Variants in EIPR1 observed in about 807,000 individuals in gnomAD.
The protein encoded by EIPR1 is EARP complex and GARP complex interacting protein 1.
Under a neutral mutation model 48.1 loss-of-function variants are expected in EIPR1, and 25 were observed. That is an observed-to-expected ratio of 0.52 (90% confidence interval 0.38 to 0.73). The LOEUF is 0.73. Among genes scored for constraint, EIPR1 ranks in the 30% least tolerant of loss-of-function variants. The pLI, the probability that EIPR1 is intolerant of heterozygous loss-of-function variation, is 0.00. For synonymous variants in EIPR1, 204 were observed against 201.9 expected, an observed-to-expected ratio of 1.01 and a Z score of -0.09; for missense variants, 415 against 506.2, an observed-to-expected ratio of 0.82 and a Z score of 1.73.
intron 5 of EIPR1, chr2:3,208,749 G>A (rs1665326464): frequency 1.3e-6 from 2 of 1,548,242 alleles, no homozygotes; most frequent in South Asian, 2.4e-5. Flanking sequence ...GTCCTTCTGT[G>A]AGTGAGGCCC....
chr2:3,229,075 T>C (rs149177547), intron 4 of EIPR1, among the ~76,000 whole-genome samples: 5 of 152,212 alleles, frequency 3.3e-5, no homozygotes, highest in Admixed American at 3.3e-4. Context: ...AGCTGGAGAA[T>C]GAACAGAGCA....
At chr2:3,260,643 G>A (rs1452812535) in intron 3 of EIPR1, among the ~76,000 whole-genome samples, 4 of 152,116 alleles carry the variant, frequency 2.6e-5, no homozygotes, top group African/African-American at 9.7e-5. Context: ...CCTGTATCCA[G>A]AATAAATATA....
chr2:3,284,526 A>G lies in EIPR1; in HGVS notation c.260-27071T>C, dbSNP rs1558272583. Reference sequence around the variant, plus strand: ...GTCTTGAGCAGTGTGCAGACCACGGACAGTGGTGCAGAAAGGGAAACAGAA... The same window carrying G: ...GTCTTGAGCAGTGTGCAGACCACGGGCAGTGGTGCAGAAAGGGAAACAGAA... On this transcript the variant is annotated intron_variant, in intron 3 of 8. Coordinates refer to ENST00000382125, the MANE Select transcript of EIPR1 (RefSeq NM_003310.5). Among the ~76,000 whole-genome samples the G allele has an allele frequency of 2.0e-5, 3 of 152,416 alleles. No homozygotes were observed. The East Asian group carries it at 5.8e-4, about 29-fold the overall frequency.
At chr2:3,362,556 T>C (rs1359465170) in intron 1 of EIPR1, among the ~76,000 whole-genome samples, 1 of 151,946 alleles carries the variant, frequency 6.6e-6, no homozygotes, top group Non-Finnish European at 1.5e-5. Context: ...GCTTCATTTC[T>C]TTCCTGTCAG....
intron 3 of EIPR1, among the ~76,000 whole-genome samples, chr2:3,301,972 A>G (rs1226304339): frequency 6.6e-6 from 1 of 152,212 alleles, no homozygotes; most frequent in Non-Finnish European, 1.5e-5. Context: ...TGACAGGACC[A>G]CCATGAGGGC....
intron 3 of EIPR1, among the ~76,000 whole-genome samples, chr2:3,288,701 C>A (rs1668279459): frequency 6.6e-6 from 1 of 152,230 alleles, no homozygotes; most frequent in South Asian, 2.1e-4. Flanking sequence ...GCCCAACCTT[C>A]CATCAAGACC....
intron 1 of EIPR1, among the ~76,000 whole-genome samples, chr2:3,373,809 T>A: frequency 6.6e-6 from 1 of 151,530 alleles, no homozygotes; most frequent in Non-Finnish European, 1.5e-5. Context: ...CTGCCCAAGG[T>A]AATTTATAGA....
intron 3 of EIPR1, among the ~76,000 whole-genome samples, chr2:3,329,437 C>T (rs1669820118): frequency 6.8e-6 from 1 of 146,858 alleles, no homozygotes; most frequent in Non-Finnish European, 1.5e-5. Flanking sequence ...CCCTGGATCA[C>T]AGGTCTACCC....
intron 3 of EIPR1, among the ~76,000 whole-genome samples, chr2:3,332,373 C>T (rs186850517): frequency 8.5e-5 from 13 of 152,304 alleles, no homozygotes; most frequent in African/African-American, 2.9e-4. Context: ...GGAGAAACCC[C>T]AAGAGAAATA....
At chr2:3,325,159 C>T (rs1424492830) in intron 3 of EIPR1, among the ~76,000 whole-genome samples, 3 of 152,184 alleles carry the variant, frequency 2.0e-5, no homozygotes, top group Admixed American at 2.0e-4. Context: ...GACGAGAAGG[C>T]CAAGCTCTGG....
intron 5 of EIPR1, among the ~76,000 whole-genome samples, chr2:3,202,767 T>C (rs1055416940): frequency 5.3e-5 from 8 of 152,212 alleles, no homozygotes; most frequent in African/African-American, 1.9e-4. Context: ...GTCAGCAAAA[T>C]GGAGCACCGC....
At chr2:3,281,893 A>C (rs1212433816) in intron 3 of EIPR1, among the ~76,000 whole-genome samples, 1 of 152,220 alleles carries the variant, frequency 6.6e-6, no homozygotes, top group Non-Finnish European at 1.5e-5. Context: ...AGAGATTAAA[A>C]CCAAAGTTTC....
chr2:3,357,118 G>C (rs369804164), intron 1 of EIPR1, among the ~76,000 whole-genome samples: 3 of 152,326 alleles, frequency 2.0e-5, no homozygotes, highest in East Asian at 3.9e-4. Context: ...TAAACACCAA[G>C]TGGCCAATGG....
At chr2:3,320,183 C>T (rs1007311667) in intron 3 of EIPR1, 9 of 176,302 alleles carry the variant, frequency 5.1e-5, no homozygotes, top group African/African-American at 1.5e-4. Flanking sequence ...ATGGGTGACC[C>T]GCACCTGCAG....
intron 2 of EIPR1, among the ~76,000 whole-genome samples, chr2:3,343,383 C>T (rs1408578012): frequency 1.3e-5 from 2 of 152,178 alleles, no homozygotes; most frequent in African/African-American, 4.8e-5. Context: ...AAAGAAACAC[C>T]GTAACTAAGG....
Position 3,200,690 on chromosome 2 carries a change from G to A in EIPR1, c.517-3673C>T, listed in dbSNP as rs181899241. ...GGGGGGCAGGGGCAGACACCAGAAC[G>A]CACAAGCACGTGTGAGCACGGCAGG... is the stretch of plus-strand genomic sequence containing the variant. On this transcript the variant is annotated intron_variant, in intron 5 of 8. Transcript: ENST00000382125. Among the ~76,000 whole-genome samples, 68 of 151,970 alleles carry A rather than the reference G, an allele frequency of 4.5e-4. No individual in the cohort carries two copies. The East Asian group carries it at 0.013, about 29-fold the overall frequency.
intron 4 of EIPR1, among the ~76,000 whole-genome samples, chr2:3,223,711 A>T (rs901450325): frequency 3.9e-5 from 6 of 152,148 alleles, no homozygotes; most frequent in African/African-American, 1.2e-4. Flanking sequence ...GCAGCCCTGT[A>T]GGTGGCCCCC....
rs545485585 is a variant in EIPR1 at position 3,225,766 on chromosome 2, G to A, written c.417-11518C>T. Among the ~76,000 whole-genome samples the A allele has an allele frequency of 3.9e-5, 6 of 152,164 alleles. No homozygotes were observed. The South Asian group carries it at 1.0e-3, about 26-fold the overall frequency. On this transcript the variant is annotated intron_variant, in intron 4 of 8. Coordinates refer to ENST00000382125, the MANE Select transcript of EIPR1 (RefSeq NM_003310.5). ...AATGTATTCATCTTATAAGCTGAAC[G>A]TTCCTAACCTTTGACCAGCACCTCC... is the stretch of plus-strand genomic sequence containing the variant.
chr2:3,231,888 G>C (rs1267057852), intron 4 of EIPR1, among the ~76,000 whole-genome samples: 1 of 152,162 alleles, frequency 6.6e-6, no homozygotes, highest in Non-Finnish European at 1.5e-5. Flanking sequence ...TAATTTTGTG[G>C]AAAGAATTTG....
Sources: gnomAD v4.1 joint callset for allele counts (sites outside exome capture counted in the v4.1 genomes callset) on GRCh38, gnomAD v4.1.1 for gene constraint, MANE v1.5 for transcripts, NCBI Gene and HGNC (gene_info 2026-07-23, HGNC 2026-07-21) for gene names.